The following KCNIP1 variants were observed in gnomAD, a reference collection of about 807,000 sequenced individuals.
The protein encoded by KCNIP1 is potassium voltage-gated channel interacting protein 1.
KCNIP1 carries 18 observed loss-of-function variants against 33.0 expected under a neutral mutation model. The ratio of observed to expected loss-of-function variants is 0.55; its 90% CI spans 0.38 to 0.81. The LOEUF (loss-of-function observed/expected upper bound fraction) is 0.81. Among genes scored for constraint, KCNIP1 ranks in the 30% least tolerant of loss-of-function variants. The pLI is 0.00. For synonymous variants in KCNIP1, 93 were observed against 98.3 expected, an observed-to-expected ratio of 0.95 and a Z score of 0.32; for missense variants, 238 against 271.6, an observed-to-expected ratio of 0.88 and a Z score of 0.87.
intron 1 of KCNIP1, among the ~76,000 whole-genome samples, chr5:170,555,561 A>G (rs527957019): frequency 6.6e-6 from 1 of 152,158 alleles, no homozygotes; most frequent in Admixed American, 6.5e-5. Flanking sequence ...TTCCCTTCCT[A>G]CTTTACAGCA....
chr5:170,472,629 C>T (rs937602364), intron 1 of KCNIP1, among the ~76,000 whole-genome samples: 3 of 126,428 alleles, frequency 2.4e-5, no homozygotes, highest in African/African-American at 8.8e-5. Flanking sequence ...CAGTTTTATG[C>T]CTTTGCGTCC....
At chr5:170,503,943 C>CCGG, upstream of KCNIP1, 33 of 602,008 alleles carry the variant, frequency 5.5e-5, no homozygotes, top group East Asian at 1.4e-4. Flanking sequence ...CCGCCCCCAC[C>CCGG]GTGCAGCCCT....
At chr5:170,448,449 G>A (rs1228805261) in intron 1 of KCNIP1, among the ~76,000 whole-genome samples, 3 of 152,250 alleles carry the variant, frequency 2.0e-5, no homozygotes, top group South Asian at 2.1e-4. Flanking sequence ...GACCAGCCAT[G>A]GAGGCCCTGG....
At chr5:170,389,617 T>C (rs1204910535) in intron 1 of KCNIP1, 1 of 152,166 alleles carries the variant, frequency 6.6e-6, no homozygotes, top group Non-Finnish European at 1.5e-5. Context: ...TATTTGGAAA[T>C]ATTTCTTCTT....
intron 1 of KCNIP1, among the ~76,000 whole-genome samples, chr5:170,541,657 C>T (rs886440935): frequency 6.6e-6 from 1 of 151,682 alleles, no homozygotes; most frequent in Non-Finnish European, 1.5e-5. Context: ...GACCCACCCA[C>T]CCACCTTCTG....
chr5:170,444,442 G>A (rs1018593542), intron 1 of KCNIP1, among the ~76,000 whole-genome samples: 27 of 152,110 alleles, frequency 1.8e-4, no homozygotes, highest in Admixed American at 1.6e-3. Context: ...CAGATAACCC[G>A]GGGTAATCTT....
chr5:170,439,489 C>G (rs559210665), intron 1 of KCNIP1, among the ~76,000 whole-genome samples: 1 of 149,570 alleles, frequency 6.7e-6, no homozygotes, highest in African/African-American at 2.4e-5. Context: ...GGGACGGGGG[C>G]GGGGGGGTGC....
chr5:170,470,863 G>C (rs774628404), intron 1 of KCNIP1, among the ~76,000 whole-genome samples: 26 of 152,190 alleles, frequency 1.7e-4, no homozygotes, highest in African/African-American at 4.8e-5. Context: ...AAGAAACTTA[G>C]GAGAAAGCAT....
At chr5:170,515,215 A>G (rs746565316) in intron 1 of KCNIP1, among the ~76,000 whole-genome samples, 9 of 152,188 alleles carry the variant, frequency 5.9e-5, no homozygotes, top group Non-Finnish European at 8.8e-5. Flanking sequence ...CTCAGGGTGC[A>G]TTATAAGAGG....
chr5:170,492,789 G>A (rs758982218), intron 1 of KCNIP1, among the ~76,000 whole-genome samples: 18 of 146,742 alleles, frequency 1.2e-4, no homozygotes, highest in African/African-American at 1.8e-4. Flanking sequence ...TTTTTGAGAC[G>A]GAGTCTCACT....
intron 1 of KCNIP1, among the ~76,000 whole-genome samples, chr5:170,577,569 CAATAATG>C (rs1757647827): frequency 6.6e-6 from 1 of 152,068 alleles, no homozygotes; most frequent in Non-Finnish European, 1.5e-5. Context: ...GACTCAGGGG[CAATAATG>C]TTTTCATTTG....
chr5:170,362,095 C>T (rs1284597962), intron 1 of KCNIP1, among the ~76,000 whole-genome samples: 1 of 152,238 alleles, frequency 6.6e-6, no homozygotes, highest in Admixed American at 6.5e-5. Flanking sequence ...CCAGCATTGC[C>T]TGAGCACTCC....
upstream of KCNIP1, among the ~76,000 whole-genome samples, chr5:170,503,197 C>T (rs1369036356): frequency 1.3e-5 from 2 of 151,980 alleles, no homozygotes; most frequent in Non-Finnish European, 2.9e-5. Flanking sequence ...CAAGCCCAGC[C>T]AGCCCAACAT....
At chr5:170,501,480 T>A (rs2113224430), upstream of KCNIP1, among the ~76,000 whole-genome samples, 1 of 152,356 alleles carries the variant, frequency 6.6e-6, no homozygotes, top group South Asian at 2.1e-4. Context: ...TTTATTTTGG[T>A]GACTTCACTT....
chr5:170,541,371 CTG>C (rs1756205118), intron 1 of KCNIP1, among the ~76,000 whole-genome samples: 1 of 152,164 alleles, frequency 6.6e-6, no homozygotes, highest in Non-Finnish European at 1.5e-5. Context: ...GTCCTTCTGA[CTG>C]TGAAGTGTCT....
chr5:170,503,934 CG>C, upstream of KCNIP1: 56 of 542,450 alleles, frequency 1.0e-4, no homozygotes, highest in Non-Finnish European at 1.3e-4. Context: ...GGGCGTCCCC[CG>C]CCCCCACCGT....
At chr5:170,578,434 G>A (rs1224591006) in intron 1 of KCNIP1, among the ~76,000 whole-genome samples, 2 of 152,152 alleles carry the variant, frequency 1.3e-5, no homozygotes, top group East Asian at 3.8e-4. Context: ...TTTCTCACTG[G>A]GCTGACTGAC....
chr5:170,504,754 T>TA lies in KCNIP1; in HGVS notation c.61+121_61+122insA, dbSNP rs1561656201. The TA allele has an allele frequency of 1.2e-6, 1 of 816,468 alleles. No homozygotes were observed. Among genetic ancestry groups the TA allele is most frequent in the African/African-American group, 1.7e-5 (1 of 59,042 alleles). The allele number at this position is 816,468 out of a possible 1,614,324, so 50.6% of individuals were successfully genotyped here. A position where few individuals can be genotyped will look rare whatever the true frequency, so the allele number is the denominator to read the frequency against. Reference sequence around the variant, plus strand: ...CCTCTCCACGAGGAGCCCGGACAGGTGCTTGTATCCAAAGGAGAGAGAAAT... The same window carrying TA: ...CCTCTCCACGAGGAGCCCGGACAGGTAGCTTGTATCCAAAGGAGAGAGAAAT... On this transcript the variant is annotated intron_variant, in intron 1 of 7. Coordinates refer to ENST00000328939, the MANE Select transcript of KCNIP1 (RefSeq NM_014592.4). The surrounding 1 kb of genome is among the most constrained non-coding windows in gnomAD (Gnocchi z 6.0).
intron 1 of KCNIP1, chr5:170,680,395 C>A (rs1670053179): frequency 6.6e-6 from 1 of 152,238 alleles, no homozygotes; most frequent in Admixed American, 6.5e-5. Flanking sequence ...AGAACATTTG[C>A]TCACTCAGTG....
Sources: allele counts gnomAD v4.1 joint callset (sites outside exome capture counted in the v4.1 genomes callset), GRCh38; gene constraint gnomAD v4.1.1; non-coding constraint Gnocchi (gnomAD v3.1); transcripts MANE v1.5; gene names NCBI Gene and HGNC (gene_info 2026-07-23, HGNC 2026-07-21).